Variants in NTN4 observed in about 807,000 individuals in gnomAD.
NTN4 encodes the protein netrin 4.
In NTN4, 32 loss-of-function variants were observed where a neutral mutation model predicts 73.6. That is an observed-to-expected ratio of 0.44 (90% confidence interval 0.33 to 0.58). The LOEUF (loss-of-function observed/expected upper bound fraction) is 0.58. Ranked by LOEUF, NTN4 falls within the 20% of genes least tolerant of loss-of-function variation. The pLI is 0.04. For missense variants in NTN4, 654 were observed against 798.3 expected (o/e 0.82, Z 2.18); for synonymous variants, 258 against 287.5 (o/e 0.90, Z 1.04).
At position 95,722,973 on chromosome 12, in the gene NTN4, CA is replaced by C. The variant is rs71087998; in HGVS notation, c.865-9636del. On this transcript the variant is annotated intron_variant, in intron 3 of 9. Transcript: ENST00000343702. Reference sequence around the variant, plus strand: ...TGGGTGACAGAGTGAGACTCTGTCTCAAAAAAAAAAAAAAAAAAAAAAAAAA... The same window carrying C: ...TGGGTGACAGAGTGAGACTCTGTCTCAAAAAAAAAAAAAAAAAAAAAAAAA... 5.3e-3 allele frequency among the ~76,000 whole-genome samples: 296 copies of C among 55,340 alleles called. 1 individual carries two copies. The highest frequency in any genetic ancestry group is 0.018 in the African/African-American group (265 of 14,346). The allele number at this position is 55,340 out of a possible 152,430, so 36.3% of individuals were successfully genotyped here.
chr12:95,695,314 T>C (rs1175545775), intron 5 of NTN4, among the ~76,000 whole-genome samples: 1 of 152,156 alleles, frequency 6.6e-6, no homozygotes, highest in Non-Finnish European at 1.5e-5. Context: ...CTGTTTCCTG[T>C]CTTCTATACA....
intron 7 of NTN4, 28 bp from the exon 8 acceptor site, chr12:95,670,174 TA>T (rs1555213573): frequency 2.8e-6 from 2 of 716,442 alleles, no homozygotes; most frequent in Non-Finnish European, 4.2e-6. Context: ...AAAATGGTGT[TA>T]GTTATTAGAA....
Position 95,790,146 on chromosome 12 carries a change from G to T in NTN4, c.55+109C>A. ...ACATGGCCACTCATTTCACCCTCGG[G>T]AGCAGCGCTCTGCGCTCGCAGCCCT... is the stretch of plus-strand genomic sequence containing the variant. On this transcript the variant is annotated intron_variant, in intron 1 of 9. Transcript: ENST00000343702. The surrounding 1 kb of genome is among the most constrained non-coding windows in gnomAD (Gnocchi z 6.5). The T allele has an allele frequency of 5.2e-6, 5 of 957,138 alleles. No homozygotes were observed. Among genetic ancestry groups the T allele is most frequent in the Non-Finnish European group, 6.1e-6 (4 of 655,926 alleles). 59.3% of individuals were successfully genotyped at this position (957,138 alleles called of 1,614,324 possible).
At chr12:95,751,583 CCTGGAACT>C (rs1565907421) in intron 2 of NTN4, among the ~76,000 whole-genome samples, 2 of 151,970 alleles carry the variant, frequency 1.3e-5, no homozygotes, top group Non-Finnish European at 2.9e-5. Flanking sequence ...TCCCAGAGCC[CCTGGAACT>C]CTGGCCCAAG....
At chr12:95,790,768 G>A (rs1226086039), upstream of NTN4, 1 of 152,358 alleles carries the variant, frequency 6.6e-6, no homozygotes, top group African/African-American at 2.4e-5. This position sits in a 1 kb window ranked among gnomAD's most constrained non-coding sequence, Gnocchi z 6.5. Context: ...CTTCTCCACG[G>A]GCAGTTCCAT....
chr12:95,771,610 A>G (rs2079060014), intron 2 of NTN4, among the ~76,000 whole-genome samples: 1 of 152,192 alleles, frequency 6.6e-6, no homozygotes, highest in Admixed American at 6.5e-5. Flanking sequence ...TGTTTACAAT[A>G]CTGTGATAGT....
chr12:95,683,536 C>G lies in NTN4; in HGVS notation c.1356G>C (p.Ala452=). Reference sequence around the variant, plus strand: ...CTCCGGTGATAGGGTCACAGCTCCCCGCACAGTCACATGGTCGACAGCCAT... The same window carrying G: ...CTCCGGTGATAGGGTCACAGCTCCCGGCACAGTCACATGGTCGACAGCCAT... The part of the protein sequence containing the change: ...GDYGCRPCDC[A]GSCDPITGDC... Residue 452 remains alanine, a synonymous_variant, in exon 6 of 10, where the codon GCG becomes GCC. Transcript: ENST00000343702. 1 of 1,614,074 alleles carries G rather than the reference C, an allele frequency of 6.2e-7. No individual in the cohort carries two copies. Among genetic ancestry groups the G allele is most frequent in the South Asian group, 1.1e-5 (1 of 91,080 alleles).
intron 4 of NTN4, among the ~76,000 whole-genome samples, chr12:95,712,113 A>G (rs1281075828): frequency 1.3e-5 from 2 of 152,194 alleles, no homozygotes; most frequent in African/African-American, 2.4e-5. Context: ...AAATTCTTGT[A>G]AAAGAGAGGT....
At chr12:95,770,458 G>C (rs2079049527) in intron 2 of NTN4, among the ~76,000 whole-genome samples, 1 of 152,186 alleles carries the variant, frequency 6.6e-6, no homozygotes, top group African/African-American at 2.4e-5. Context: ...TCCTGATGCA[G>C]CACCAGTTTG....
At chr12:95,732,788 T>C (rs1383939142) in intron 3 of NTN4, among the ~76,000 whole-genome samples, 1 of 152,348 alleles carries the variant, frequency 6.6e-6, no homozygotes, top group East Asian at 1.9e-4. Flanking sequence ...AAACTGTAGC[T>C]TTAAATCTGT....
chr12:95,666,028 A>C, intron 8 of NTN4, 48 bp from the exon 9 acceptor site: 1 of 1,340,796 alleles, frequency 7.5e-7, no homozygotes, highest in Non-Finnish European at 1.0e-6. Flanking sequence ...TTATCATTTG[A>C]AGTTTGAATA....
intron 2 of NTN4, among the ~76,000 whole-genome samples, chr12:95,742,626 T>C (rs1010161781): frequency 6.6e-6 from 1 of 152,228 alleles, no homozygotes; most frequent in Non-Finnish European, 1.5e-5. Context: ...TGAGGAATAA[T>C]ATTCAAGGCC....
intron 3 of NTN4, among the ~76,000 whole-genome samples, chr12:95,731,309 T>G (rs2078735339): frequency 6.6e-6 from 1 of 152,196 alleles, no homozygotes; most frequent in African/African-American, 2.4e-5. Flanking sequence ...GGCTCACACC[T>G]GTAATCCCAG....
chr12:95,676,304 G>T (rs1229353871), intron 7 of NTN4, among the ~76,000 whole-genome samples: 2 of 151,684 alleles, frequency 1.3e-5, no homozygotes, highest in East Asian at 3.9e-4. Flanking sequence ...ACGGGGTTTT[G>T]TCATGTTGGC....
intron 5 of NTN4, among the ~76,000 whole-genome samples, chr12:95,701,271 A>T (rs566539951): frequency 6.6e-6 from 1 of 152,362 alleles, no homozygotes; most frequent in South Asian, 2.1e-4. Context: ...CTCAGTACAC[A>T]GTGAGAATTA....
At chr12:95,707,485 T>C (rs965667979) in intron 5 of NTN4, among the ~76,000 whole-genome samples, 1 of 152,154 alleles carries the variant, frequency 6.6e-6, no homozygotes, top group Non-Finnish European at 1.5e-5. Flanking sequence ...ACCCTCATCA[T>C]CCTGTCCCTT....
In NTN4 at chr12:95,790,323, CG is replaced by C. The variant is rs2079199414; in HGVS notation, c.-15del. 4.6e-6 allele frequency: 7 copies of C among 1,525,212 alleles called. No individual in the cohort carries two copies. Among genetic ancestry groups the C allele is most frequent in the Non-Finnish European group, 6.2e-6 (7 of 1,137,170 alleles). The allele number at this position is 1,525,212 out of a possible 1,614,324, so 94.5% of individuals were successfully genotyped here. On this transcript the variant is annotated 5_prime_UTR_variant, in exon 1 of 10. Coordinates refer to ENST00000343702, the MANE Select transcript of NTN4 (RefSeq NM_021229.4). The surrounding 1 kb of genome is among the most constrained non-coding windows in gnomAD (Gnocchi z 6.5). Reference sequence around the variant, plus strand: ...GCAGCTCCCCATGGCCGGGAGGAGCCGGGAGCAGCCGGGCCGGGCGGGTGCC... The same window carrying C: ...GCAGCTCCCCATGGCCGGGAGGAGCCGGAGCAGCCGGGCCGGGCGGGTGCC...
At chr12:95,700,604 C>T (rs2078477188) in intron 5 of NTN4, among the ~76,000 whole-genome samples, 1 of 152,012 alleles carries the variant, frequency 6.6e-6, no homozygotes, top group Non-Finnish European at 1.5e-5. Flanking sequence ...CTGAGTCTGA[C>T]TTCCTGATGA....
chr12:95,755,520 T>C (rs1399337030), intron 2 of NTN4, among the ~76,000 whole-genome samples: 1 of 152,202 alleles, frequency 6.6e-6, no homozygotes, highest in Non-Finnish European at 1.5e-5. Flanking sequence ...ATTAGAGAAG[T>C]GTGTCTGTCT....
Sources: allele counts gnomAD v4.1 joint callset (sites outside exome capture counted in the v4.1 genomes callset), GRCh38; gene constraint gnomAD v4.1.1; non-coding constraint Gnocchi (gnomAD v3.1); transcripts MANE v1.5; gene names NCBI Gene and HGNC (gene_info 2026-07-23, HGNC 2026-07-21).